Variants in ZNF215 observed in about 807,000 individuals in gnomAD.
ZNF215 encodes the protein zinc finger protein 215.
In ZNF215, 24 loss-of-function variants were observed where a neutral mutation model predicts 27.2. That is an observed-to-expected ratio of 0.88 (90% CI 0.64 to 1.24). The LOEUF (loss-of-function observed/expected upper bound fraction) is 1.24. ZNF215 is among the 50% of genes most tolerant of loss of function. The pLI, the probability that ZNF215 is intolerant of heterozygous loss-of-function variation, is 0.00. For missense variants in ZNF215, 675 were observed against 605.7 expected (o/e 1.11, Z -1.20); for synonymous variants, 210 against 204.0 (o/e 1.03, Z -0.25).
downstream of ZNF215, among the ~76,000 whole-genome samples, chr11:6,990,695 A>G (rs2133366571): frequency 6.6e-6 from 1 of 152,382 alleles, no homozygotes; most frequent in South Asian, 2.1e-4. Context: ...CTTTATATAT[A>G]TTAGGTGGAT....
chr11:6,952,711 A>G (rs1172091456), intron 6 of ZNF215, among the ~76,000 whole-genome samples: 5 of 152,168 alleles, frequency 3.3e-5, no homozygotes, highest in Non-Finnish European at 7.3e-5. Flanking sequence ...GTGTCTTTTA[A>G]TTGGAGCATT....
intron 1 of ZNF215, among the ~76,000 whole-genome samples, chr11:6,927,317 T>C (rs1452797857): frequency 6.6e-6 from 1 of 152,254 alleles, no homozygotes; most frequent in Non-Finnish European, 1.5e-5. Context: ...TTCAGTCACT[T>C]ATTTGCAAAC....
intron 5 of ZNF215, among the ~76,000 whole-genome samples, chr11:6,969,749 T>G (rs1039898561): frequency 1.3e-5 from 2 of 152,140 alleles, no homozygotes; most frequent in African/African-American, 4.8e-5. Flanking sequence ...AAGGCTCTCA[T>G]CTTTTCATAA....
At position 6,957,781 on chromosome 11, in the gene ZNF215, C is replaced by T. The variant is rs560458684; in HGVS notation, c.*1250C>T. The T allele has an allele frequency of 4.4e-5, 43 of 985,358 alleles. No homozygotes were observed. The highest frequency in any genetic ancestry group is 4.7e-5 in the Non-Finnish European group (39 of 829,914). The allele number at this position is 985,358 out of a possible 1,614,324, so 61.0% of individuals were successfully genotyped here. A position where few individuals can be genotyped will look rare whatever the true frequency, so the allele number is the denominator to read the frequency against. On this transcript the variant is annotated 3_prime_UTR_variant, in exon 7 of 7. Transcript: ENST00000278319. Reference sequence around the variant, plus strand: ...ATTTAGGCTGGAGAGACGTCCATAGCCTTAGGTATATCATTTATACCAGAC... The same window carrying T: ...ATTTAGGCTGGAGAGACGTCCATAGTCTTAGGTATATCATTTATACCAGAC...
chr11:6,960,337 T>C (rs773652950), downstream of ZNF215, among the ~76,000 whole-genome samples: 6 of 152,122 alleles, frequency 3.9e-5, no homozygotes, highest in Non-Finnish European at 8.8e-5. Flanking sequence ...CAAGACCATA[T>C]GAGCTCCAAA....
chr11:6,980,655 T>C (rs955503260), intron 5 of ZNF215, among the ~76,000 whole-genome samples: 1 of 151,632 alleles, frequency 6.6e-6, no homozygotes, highest in Non-Finnish European at 1.5e-5. Flanking sequence ...CATGTGCACA[T>C]TGTGCAGGTT....
intron 2 of ZNF215, among the ~76,000 whole-genome samples, chr11:6,929,818 C>G (rs556597953): frequency 6.6e-6 from 1 of 151,288 alleles, no homozygotes; most frequent in African/African-American, 2.4e-5. Flanking sequence ...CAGGAAATTC[C>G]TATGCAGAGC....
chr11:6,935,681 G>A (rs1209227442), intron 3 of ZNF215, among the ~76,000 whole-genome samples: 1 of 151,996 alleles, frequency 6.6e-6, no homozygotes, highest in East Asian at 1.9e-4. Flanking sequence ...GGAAATAGAA[G>A]ACTTGAGAAA....
At chr11:6,933,528 C>T (rs1849334878) in intron 3 of ZNF215, among the ~76,000 whole-genome samples, 1 of 152,072 alleles carries the variant, frequency 6.6e-6, no homozygotes, top group African/African-American at 2.4e-5. Context: ...TGGCTCACGC[C>T]TGTAATCCCA....
In ZNF215 at chr11:6,941,459, T is replaced by C. The variant is rs1259182898; in HGVS notation, c.401-112T>C. The C allele has an allele frequency of 1.9e-5, 17 of 891,644 alleles. No individual in the cohort carries two copies. In the East Asian group the frequency reaches 4.6e-4, roughly 24 times the overall value. 55.2% of individuals were successfully genotyped at this position (891,644 alleles called of 1,614,324 possible). ...GCTGGCAGGGCCTGACATTATTTTT[T>C]TCAAAGTTCTATGGATAATTCCTGT... On this transcript the variant is annotated intron_variant, in intron 3 of 6. Transcript: ENST00000278319.
intron 5 of ZNF215, among the ~76,000 whole-genome samples, chr11:6,982,897 T>A (rs1036569246): frequency 1.5e-4 from 23 of 150,922 alleles, no homozygotes; most frequent in African/African-American, 5.1e-4. Flanking sequence ...AGGCAAGAAA[T>A]AACTAAAATC....
At chr11:6,934,403 A>G (rs1191622078) in intron 3 of ZNF215, among the ~76,000 whole-genome samples, 1 of 152,202 alleles carries the variant, frequency 6.6e-6, no homozygotes, top group Non-Finnish European at 1.5e-5. Context: ...TATTGCTACT[A>G]TAATAAATTA....
intron 3 of ZNF215, among the ~76,000 whole-genome samples, chr11:6,936,875 A>G (rs1300541341): frequency 2.0e-5 from 3 of 151,596 alleles, no homozygotes; most frequent in Non-Finnish European, 3.0e-5. Context: ...ACAAAATCCA[A>G]TGCCCTTTTA....
intron 6 of ZNF215, among the ~76,000 whole-genome samples, chr11:6,954,952 AG>A (rs373881133): frequency 1.6e-4 from 24 of 152,332 alleles, no homozygotes; most frequent in African/African-American, 5.8e-4. Flanking sequence ...GCTAAATGAG[AG>A]GAATTTTGAG....
At chr11:6,937,318 C>G (rs1602568) in intron 3 of ZNF215, among the ~76,000 whole-genome samples, 149,744 of 151,966 alleles carry the variant, frequency 0.99, 73,815 homozygotes, top group Middle Eastern at 1. Flanking sequence ...TATAATATGT[C>G]AAAAATAGAG....
downstream of ZNF215, among the ~76,000 whole-genome samples, chr11:6,987,551 G>A (rs1292596399): frequency 6.6e-6 from 1 of 152,062 alleles, no homozygotes; most frequent in East Asian, 1.9e-4. Flanking sequence ...AAAAGCAAAA[G>A]AAAGAAAAAG....
In ZNF215 at chr11:6,932,154, G is replaced by T; in HGVS notation, c.-119G>T. 2 of 1,288,330 alleles carry T rather than the reference G, an allele frequency of 1.6e-6. No homozygotes were observed. The highest frequency in any genetic ancestry group is 1.8e-5 in the South Asian group (1 of 54,398). The allele number at this position is 1,288,330 out of a possible 1,614,324, so 79.8% of individuals were successfully genotyped here. ...AGTTTCTGGAACTTTCCTCCTTACC[G>T]TGAAATAACTTGGCTTAAATCACAC... On this transcript the variant is annotated 5_prime_UTR_variant, in exon 3 of 7. Transcript: ENST00000278319.
chr11:6,960,696 T>G (rs985322754), downstream of ZNF215, among the ~76,000 whole-genome samples: 1 of 152,154 alleles, frequency 6.6e-6, no homozygotes, highest in East Asian at 1.9e-4. Flanking sequence ...ATACCCTGAT[T>G]ACTTCACTCG....
At chr11:6,993,926 T>A (rs1208263202), downstream of ZNF215, among the ~76,000 whole-genome samples, 1 of 152,186 alleles carries the variant, frequency 6.6e-6, no homozygotes. Flanking sequence ...CCTTCTTGTT[T>A]TAGCTCTTCT....
Sources: gnomAD v4.1 joint callset for allele counts (sites outside exome capture counted in the v4.1 genomes callset) on GRCh38, gnomAD v4.1.1 for gene constraint, MANE v1.5 for transcripts, NCBI Gene and HGNC (gene_info 2026-07-23, HGNC 2026-07-21) for gene names.